ANKS6: variants seen among roughly 807,000 people sequenced by gnomAD.
ANKS6 encodes ankyrin repeat and SAM domain-containing protein 6.
Under a neutral mutation model 77.9 loss-of-function variants are expected in ANKS6, and 47 were observed. The ratio of observed to expected loss-of-function variants is 0.60; its 90% confidence interval spans 0.48 to 0.77. The LOEUF (loss-of-function observed/expected upper bound fraction) is 0.77. Among genes scored for constraint, ANKS6 ranks in the 30% least tolerant of loss-of-function variants. The pLI is 0.00. For missense variants in ANKS6, 1,150 were observed against 1,159.1 expected (o/e 0.99, Z 0.11); for synonymous variants, 488 against 501.7 (o/e 0.97, Z 0.37).
intron 14 of ANKS6, among the ~76,000 whole-genome samples, chr9:98,743,203 G>A (rs531799270): frequency 6.6e-6 from 1 of 152,120 alleles, no homozygotes; most frequent in Non-Finnish European, 1.5e-5. Flanking sequence ...CCTCTCCTTG[G>A]CTCACACATC....
intron 7 of ANKS6, among the ~76,000 whole-genome samples, chr9:98,777,972 T>C (rs1834006967): frequency 6.6e-6 from 1 of 152,164 alleles, no homozygotes; most frequent in East Asian, 1.9e-4. Context: ...GACGACTCCC[T>C]GTCGTCCCTC....
At chr9:98,752,903 G>GCTACTAC (rs1832507086) in intron 12 of ANKS6, among the ~76,000 whole-genome samples, 1 of 152,184 alleles carries the variant, frequency 6.6e-6, no homozygotes, top group Non-Finnish European at 1.5e-5. Flanking sequence ...ACAGTAGAGA[G>GCTACTAC]GCTACTGAGC....
At chr9:98,745,495 C>G (rs1832078457) in intron 14 of ANKS6, 64 bp downstream of exon 14, 1 of 1,490,772 alleles carries the variant, frequency 6.7e-7, no homozygotes, top group South Asian at 1.1e-5. Flanking sequence ...TCCCAAGATC[C>G]CAGGACCCTG....
intron 13 of ANKS6, among the ~76,000 whole-genome samples, chr9:98,748,567 G>T (rs34575145): frequency 0.19 from 28,438 of 152,028 alleles, 2,805 homozygotes; most frequent in African/African-American, 0.23. Flanking sequence ...AAAAAGGAGG[G>T]AATGTGTCCT....
chr9:98,745,482 C>T, intron 14 of ANKS6, 77 bp downstream of exon 14: 1 of 1,380,406 alleles, frequency 7.2e-7, no homozygotes, highest in Non-Finnish European at 1.0e-6. Context: ...GGAAGTAAGA[C>T]CTTCCCAAGA....
chr9:98,756,404 C>A lies in ANKS6; in HGVS notation c.2326+16G>T, dbSNP rs1832705142. On this transcript the variant is annotated intron_variant, in intron 12 of 14. Coordinates refer to ENST00000353234, the MANE Select transcript of ANKS6 (RefSeq NM_173551.5). ...TGAGAGGAATAGGTGGGGTTTCAGG[C>A]CCTCAGGGGACTCACCCTCATCTGT... 1.2e-6 allele frequency: 2 copies of A among 1,608,286 alleles called. No homozygotes were observed. Among genetic ancestry groups the A allele is most frequent in the Non-Finnish European group, 1.7e-6 (2 of 1,177,682 alleles).
chr9:98,796,536 C>T lies in ANKS6; in HGVS notation c.-45G>A, dbSNP rs1330859066. ...CCGCTCCCGTCCGCCCCGCCGGCCG[C>T]GTCGGCTCCGCCCCCGGATACCGCC... On this transcript the variant is annotated 5_prime_UTR_variant, in exon 1 of 15. Coordinates refer to ENST00000353234, the MANE Select transcript of ANKS6 (RefSeq NM_173551.5). 3.1e-6 allele frequency: 3 copies of T among 971,882 alleles called. No individual in the cohort carries two copies. The highest frequency in any genetic ancestry group is 1.8e-5 in the African/African-American group (1 of 56,562). 60.2% of individuals were successfully genotyped at this position (971,882 alleles called of 1,614,324 possible).
chr9:98,754,616 T>C (rs1020480202), intron 12 of ANKS6, among the ~76,000 whole-genome samples: 4 of 150,868 alleles, frequency 2.7e-5, no homozygotes, highest in Non-Finnish European at 5.9e-5. Context: ...CACTCCAGCA[T>C]GGGTGACAGA....
At chr9:98,758,721 T>C (rs1293571852) in intron 11 of ANKS6, among the ~76,000 whole-genome samples, 1 of 152,252 alleles carries the variant, frequency 6.6e-6, no homozygotes, top group African/African-American at 2.4e-5. Context: ...GAGTTTGTTC[T>C]AGCATTTTTC....
At position 98,796,285 on chromosome 9, in the gene ANKS6, C is replaced by T. The variant is rs1835172260; in HGVS notation, c.207G>A (p.Val69=). 7 of 1,299,906 alleles carry T rather than the reference C, an allele frequency of 5.4e-6. No homozygotes were observed. Among genetic ancestry groups the T allele is most frequent in the Non-Finnish European group, 6.9e-6 (7 of 1,020,960 alleles). The allele number at this position is 1,299,906 out of a possible 1,614,324, so 80.5% of individuals were successfully genotyped here. A position where few individuals can be genotyped will look rare whatever the true frequency, so the allele number is the denominator to read the frequency against. The change falls in exon 1 of 15, where the codon GTG becomes GTA. Residue 69 remains valine, a synonymous_variant. Coordinates refer to ENST00000353234, the MANE Select transcript of ANKS6 (RefSeq NM_173551.5). ...AAAAGAVGAP[V]PVDCSDEAGN... ...CCGCCTCGTCCGAGCAATCCACGGGCACCGGAGCCCCGACTGCCCCCGCCG... is the reference window on the plus strand; with the variant it reads ...CCGCCTCGTCCGAGCAATCCACGGGTACCGGAGCCCCGACTGCCCCCGCCG...
chr9:98,759,953 G>A (rs1832921940), intron 11 of ANKS6, among the ~76,000 whole-genome samples: 1 of 152,028 alleles, frequency 6.6e-6, no homozygotes, highest in Non-Finnish European at 1.5e-5. Flanking sequence ...ATAATATATA[G>A]TTTCAAAAAG....
intron 1 of ANKS6, among the ~76,000 whole-genome samples, chr9:98,792,037 A>T (rs746421130): frequency 7.3e-5 from 11 of 151,370 alleles, no homozygotes; most frequent in Non-Finnish European, 1.5e-4. Flanking sequence ...CCTCCATGCG[A>T]CTCCCAAATG....
chr9:98,756,375 A>G, intron 12 of ANKS6, 45 bp downstream of exon 12: 1 of 1,588,132 alleles, frequency 6.3e-7, no homozygotes, highest in Non-Finnish European at 8.6e-7. Flanking sequence ...CCAGGTCATC[A>G]TGGTGAGAGG....
At chr9:98,742,387 T>C (rs1588320973) in intron 14 of ANKS6, among the ~76,000 whole-genome samples, 2 of 152,162 alleles carry the variant, frequency 1.3e-5, no homozygotes, top group South Asian at 4.1e-4. Flanking sequence ...GAGGAGCTCT[T>C]TGCACATCTA....
At chr9:98,759,504 A>G (rs1336624796) in intron 11 of ANKS6, among the ~76,000 whole-genome samples, 3 of 152,210 alleles carry the variant, frequency 2.0e-5, no homozygotes, top group Non-Finnish European at 4.4e-5. Context: ...TCAGATGCCA[A>G]CTGAAAGCCC....
rs199738905 is a variant in ANKS6 at position 98,789,208 on chromosome 9, T to C, written c.862+896A>G. 2.6e-5 allele frequency among the ~76,000 whole-genome samples: 4 copies of C among 152,222 alleles called. No homozygotes were observed. The East Asian group carries it at 7.7e-4, about 29-fold the overall frequency. On this transcript the variant is annotated intron_variant, in intron 2 of 14. Transcript: ENST00000353234. Reference sequence around the variant, plus strand: ...TCTTCAGTGCTTGACCTCTCAGAGCTAGATGTTTATATACACTGCAGCCCA... The same window carrying C: ...TCTTCAGTGCTTGACCTCTCAGAGCCAGATGTTTATATACACTGCAGCCCA...
At chr9:98,749,238 A>G (rs1832301555) in intron 13 of ANKS6, among the ~76,000 whole-genome samples, 1 of 152,222 alleles carries the variant, frequency 6.6e-6, no homozygotes, top group African/African-American at 2.4e-5. Flanking sequence ...GCACTGCCTC[A>G]GCTAACCTCA....
Position 98,784,842 on chromosome 9 carries a change from T to C in ANKS6, c.897A>G (p.Ala299=), listed in dbSNP as rs1417334073. 3 of 1,613,322 alleles carry C rather than the reference T, an allele frequency of 1.9e-6. No homozygotes were observed. Among genetic ancestry groups the C allele is most frequent in the South Asian group, 1.1e-5 (1 of 90,692 alleles). The change falls in exon 3 of 15, where the codon GCA becomes GCG. Residue 299 remains alanine (A), a synonymous_variant. Transcript: ENST00000353234. ...TTCTAAAGCGCTTACCCATTTTCAA[T>C]GCATGGAAAATATCAGGTCGCCTTT... ...EEKRRPDIFH[A]LKMGNFQLVK... is the part of the protein sequence containing the mutation.
Position 98,735,877 on chromosome 9 carries a change from G to A in ANKS6, c.*642C>T. ...AGCAGTCACATACACAGCACTAAGG[G>A]ACCCAGTGGCTGAAAGGGGGTCAAA... On this transcript the variant is annotated 3_prime_UTR_variant, in exon 15 of 15. Transcript: ENST00000353234. The A allele has an allele frequency of 8.1e-7, 1 of 1,232,374 alleles. No individual in the cohort carries two copies. Among genetic ancestry groups the A allele is most frequent in the Non-Finnish European group, 1.0e-6 (1 of 988,694 alleles). 76.3% of individuals were successfully genotyped at this position (1,232,374 alleles called of 1,614,324 possible). A position where few individuals can be genotyped will look rare whatever the true frequency, so the allele number is the denominator to read the frequency against.
Sources: gnomAD v4.1 joint callset for allele counts (sites outside exome capture counted in the v4.1 genomes callset) on GRCh38, gnomAD v4.1.1 for gene constraint, MANE v1.5 for transcripts, NCBI Gene and HGNC (gene_info 2026-07-23, HGNC 2026-07-21) for gene names.